ATP1A4: variants seen among roughly 807,000 people sequenced by gnomAD.
ATP1A4 encodes ATPase Na+/K+ transporting subunit alpha 4.
A neutral mutation model predicts 114.3 loss-of-function variants in ATP1A4; 90 were observed. The ratio of observed to expected loss-of-function variants is 0.79; its 90% CI spans 0.66 to 0.94. The LOEUF is 0.94. Among genes scored for constraint, ATP1A4 ranks in the 40% least tolerant of loss-of-function variants. ATP1A4 has a pLI of 0.00. For missense variants in ATP1A4, 1,222 were observed against 1,313.6 expected, an observed-to-expected ratio of 0.93 and a Z score of 1.08; for synonymous variants, 511 against 494.1, an observed-to-expected ratio of 1.03 and a Z score of -0.45.
chr1:160,174,419 A>T (rs1303295831), intron 14 of ATP1A4, among the ~76,000 whole-genome samples, 158 bp downstream of exon 14: 1 of 152,140 alleles, frequency 6.6e-6, no homozygotes, highest in African/African-American at 2.4e-5. Context: ...GGGCTCCCTG[A>T]AAGTTTAAAT....
intron 20 of ATP1A4, among the ~76,000 whole-genome samples, chr1:160,182,522 T>C (rs1004910262): frequency 6.6e-6 from 1 of 152,218 alleles, no homozygotes; most frequent in African/African-American, 2.4e-5. Flanking sequence ...CATTAGTATA[T>C]GCTTGATGTG....
chr1:160,155,396 T>A (rs1404413987), intron 3 of ATP1A4, 148 bp downstream of exon 3: 1 of 540,180 alleles, frequency 1.9e-6, no homozygotes, highest in Non-Finnish European at 3.3e-6. Flanking sequence ...AAATGTACAT[T>A]AATTATAAAT....
chr1:160,159,797 G>C (rs1652805651), intron 6 of ATP1A4, among the ~76,000 whole-genome samples: 1 of 152,196 alleles, frequency 6.6e-6, no homozygotes, highest in Non-Finnish European at 1.5e-5. Context: ...TACATTGTAA[G>C]TGACCTACAA....
chr1:160,178,378 T>TAA lies in ATP1A4; in HGVS notation c.2736+715_2736+716insAA, dbSNP rs1653563617. On this transcript the variant is annotated intron_variant, in intron 18 of 21. Transcript: ENST00000368081. ...CTCAAAAAATAAATAAATAAATAAA[T>TAA]ATAAAATTTGAAAACCAGCTGGGCA... Among the ~76,000 whole-genome samples the TAA allele has an allele frequency of 2.7e-5, 4 of 149,736 alleles. No homozygotes were observed. In the South Asian group the frequency reaches 8.4e-4, roughly 32 times the overall value.
At chr1:160,165,764 G>A (rs909594136) in intron 7 of ATP1A4, among the ~76,000 whole-genome samples, 4 of 152,070 alleles carry the variant, frequency 2.6e-5, no homozygotes, top group African/African-American at 7.2e-5. Context: ...AGAACTATTG[G>A]TCCAACACCC....
intron 17 of ATP1A4, 158 bp from the exon 18 acceptor site, chr1:160,177,361 A>G: frequency 1.6e-6 from 1 of 638,312 alleles, no homozygotes; most frequent in Non-Finnish European, 2.6e-6. Context: ...GAGAGATAAC[A>G]GGCTTAGGCA....
chr1:160,157,286 A>G (rs1299725423), intron 4 of ATP1A4, among the ~76,000 whole-genome samples: 2 of 152,202 alleles, frequency 1.3e-5, no homozygotes, highest in African/African-American at 4.8e-5. Flanking sequence ...TTCATCACCC[A>G]GGTAATAAGC....
At chr1:160,166,777 T>C (rs530124809) in intron 8 of ATP1A4, 51 bp downstream of exon 8, 5 of 1,608,390 alleles carry the variant, frequency 3.1e-6, no homozygotes, top group Admixed American at 1.7e-5. Context: ...GGGGATGTGA[T>C]GAGTGAGCTG....
chr1:160,185,614 C>T lies in ATP1A4; in HGVS notation c.2970-662C>T, dbSNP rs956601143. On this transcript the variant is annotated intron_variant, in intron 20 of 21. Transcript: ENST00000368081. ...CGGTCTGGGCAACATGGCGAAACCC[C>T]ATCTCTCCTAAAAATACAAAATTTG... Among the ~76,000 whole-genome samples the T allele has an allele frequency of 2.6e-5, 4 of 151,710 alleles. No individual in the cohort carries two copies. In the East Asian group the frequency reaches 7.9e-4, roughly 30 times the overall value.
rs764662453 is a variant in ATP1A4 at position 160,177,653 on chromosome 1, G to A, written c.2725G>A (p.Gly909Arg). Reference protein sequence around the residue: ...KYLNDLEDSYGQQWTYEQRKV... With the variant: ...KYLNDLEDSYRQQWTYEQRKV... ...CTTGAATGACCTGGAGGACAGCTAC[G>A]GACAGCAGTGGGTGAGTAGAAGGGA... Residue 909 changes from glycine (G) to arginine (R), a missense_variant, in exon 18 of 22, where the codon GGA (glycine) becomes AGA (arginine). Physicochemically the swap from Gly to Arg is moderately radical, Grantham distance 125. Transcript: ENST00000368081. 53 of 1,614,028 alleles carry A rather than the reference G, an allele frequency of 3.3e-5. No individual in the cohort carries two copies. Among genetic ancestry groups the A allele is most frequent in the Admixed American group, 1.8e-4 (11 of 59,986 alleles).
chr1:160,175,159 A>G (rs1396901813), intron 15 of ATP1A4, among the ~76,000 whole-genome samples: 4 of 152,178 alleles, frequency 2.6e-5, no homozygotes, highest in African/African-American at 4.8e-5. Flanking sequence ...GTGACACATC[A>G]GGATCAGCTG....
Position 160,182,124 on chromosome 1 carries a change from G to A in ATP1A4, c.2969+93G>A, listed in dbSNP as rs1653729229. The A allele has an allele frequency of 1.3e-5, 13 of 1,020,798 alleles. No homozygotes were observed. The South Asian group carries it at 1.5e-4, about 12-fold the overall frequency. 63.2% of individuals were successfully genotyped at this position (1,020,798 alleles called of 1,614,324 possible). On this transcript the variant is annotated intron_variant, in intron 20 of 21. Transcript: ENST00000368081. Reference sequence around the variant, plus strand: ...TTTCACTAGGATTGTCATGAGCCAGGAGCTGCCTGGATACATGGAGCTACA... The same window carrying A: ...TTTCACTAGGATTGTCATGAGCCAGAAGCTGCCTGGATACATGGAGCTACA...
At chr1:160,180,505 A>G (rs969008542) in intron 18 of ATP1A4, among the ~76,000 whole-genome samples, 2 of 152,108 alleles carry the variant, frequency 1.3e-5, no homozygotes, top group African/African-American at 4.8e-5. Context: ...CATGGTTAGC[A>G]TAATTATTTT....
chr1:160,156,093 T>C lies in ATP1A4; in HGVS notation c.460T>C (p.Phe154Leu). 1 of 1,614,106 alleles carries C rather than the reference T, an allele frequency of 6.2e-7. No homozygotes were observed. Among genetic ancestry groups the C allele is most frequent in the South Asian group, 1.1e-5 (1 of 91,072 alleles). ...LSVVVIVTGC[F>L]SYYQEAKSSK... The stretch of plus-strand genomic sequence containing the variant: ...CGTCGTGGTCATCGTCACTGGCTGC[T>C]TCTCCTATTATCAGGAGGCCAAGAG... Residue 154 changes from phenylalanine to leucine, a missense_variant, in exon 4 of 22, where the codon TTC becomes CTC. Transcript: ENST00000368081.
intron 18 of ATP1A4, among the ~76,000 whole-genome samples, chr1:160,180,577 A>C (rs943907326): frequency 6.6e-6 from 1 of 151,872 alleles, no homozygotes; most frequent in Non-Finnish European, 1.5e-5. Context: ...TGAATGAATG[A>C]ATGTCTCCTA....
At position 160,155,209 on chromosome 1, in the gene ATP1A4, C is replaced by T; in HGVS notation, c.372C>T (p.Ser124=). ...CCATTCTCTGCTTTGTGGCCTACAG[C>T]ATCCAGATATATTTCAATGAGGAGC... ...TGAILCFVAY[S]IQIYFNEEPT... is the part of the protein sequence containing the mutation. Residue 124 remains serine, a synonymous_variant, in exon 3 of 22, where the codon AGC becomes AGT. Coordinates refer to ENST00000368081, the MANE Select transcript of ATP1A4 (RefSeq NM_144699.4). 1.9e-6 allele frequency: 3 copies of T among 1,613,740 alleles called. No individual in the cohort carries two copies. The highest frequency in any genetic ancestry group is 2.5e-6 in the Non-Finnish European group (3 of 1,179,932).
intron 18 of ATP1A4, among the ~76,000 whole-genome samples, chr1:160,180,143 A>C (rs968098207): frequency 6.6e-6 from 1 of 152,160 alleles, no homozygotes; most frequent in Non-Finnish European, 1.5e-5. Context: ...CAGAAGCTAA[A>C]ATCTTCAAGA....
At chr1:160,177,794 A>G (rs903163950) in intron 18 of ATP1A4, 130 bp downstream of exon 18, 2 of 1,016,582 alleles carry the variant, frequency 2.0e-6, no homozygotes, top group South Asian at 3.3e-5. Flanking sequence ...CCTTTTCTTC[A>G]GTCCTGTATG....
intron 14 of ATP1A4, 88 bp from the exon 15 acceptor site, chr1:160,174,491 A>T: frequency 1.9e-6 from 3 of 1,539,004 alleles, no homozygotes; most frequent in Non-Finnish European, 2.6e-6. Flanking sequence ...ATCAGGAAAC[A>T]AGGGATGCAG....
Sources: gnomAD v4.1 joint callset for allele counts (sites outside exome capture counted in the v4.1 genomes callset) on GRCh38, gnomAD v4.1.1 for gene constraint, MANE v1.5 for transcripts, NCBI Gene and HGNC (gene_info 2026-07-23, HGNC 2026-07-21) for gene names.